NEGR1: variants seen among roughly 807,000 people sequenced by gnomAD.
The protein encoded by NEGR1 is IgLON family member 4.
NEGR1 carries 10 observed loss-of-function variants against 40.9 expected under a neutral mutation model. The ratio of observed to expected loss-of-function variants is 0.24; its 90% CI spans 0.15 to 0.42. The LOEUF is 0.42. Ranked by LOEUF, NEGR1 falls within the 10% of genes least tolerant of loss-of-function variation. The pLI, the probability that NEGR1 is intolerant of heterozygous loss-of-function variation, is 1.00. For synonymous variants in NEGR1, 185 were observed against 166.8 expected (o/e 1.11, Z -0.84); for missense variants, 352 against 438.9 (o/e 0.80, Z 1.77).
At chr1:71,958,995 T>G (rs1300957141) in intron 1 of NEGR1, among the ~76,000 whole-genome samples, 1 of 151,964 alleles carries the variant, frequency 6.6e-6, no homozygotes, top group African/African-American at 2.4e-5. Flanking sequence ...ATCTTAATGT[T>G]GTCGTCTATG....
At chr1:71,514,075 G>A (rs1317168889) in intron 6 of NEGR1, among the ~76,000 whole-genome samples, 8 of 141,878 alleles carry the variant, frequency 5.6e-5, no homozygotes, top group African/African-American at 7.9e-5. Context: ...AGGGTCCTAC[G>A]CCCACGGAAT....
At chr1:71,508,178 G>A (rs1647048380) in intron 6 of NEGR1, among the ~76,000 whole-genome samples, 1 of 152,082 alleles carries the variant, frequency 6.6e-6, no homozygotes, top group Non-Finnish European at 1.5e-5. Flanking sequence ...TGGTGACTTG[G>A]TGTTAATTAA....
intron 1 of NEGR1, among the ~76,000 whole-genome samples, chr1:72,093,836 A>C (rs1648592546): frequency 6.6e-6 from 1 of 152,214 alleles, no homozygotes. Context: ...TTAGTTAATT[A>C]GTATGCTGTT....
intron 5 of NEGR1, among the ~76,000 whole-genome samples, chr1:71,604,920 C>A (rs976565844): frequency 5.9e-5 from 9 of 152,178 alleles, no homozygotes; most frequent in African/African-American, 2.2e-4. Flanking sequence ...ATAGGCCCCA[C>A]ACTGCCAAAT....
intron 1 of NEGR1, among the ~76,000 whole-genome samples, chr1:72,159,937 T>A (rs1651493269): frequency 2.0e-5 from 3 of 152,168 alleles, no homozygotes; most frequent in South Asian, 2.1e-4. Context: ...GTTTCTTGAC[T>A]CTTTGATACA....
At chr1:72,268,299 T>C (rs895786812) in intron 1 of NEGR1, among the ~76,000 whole-genome samples, 4 of 151,488 alleles carry the variant, frequency 2.6e-5, no homozygotes, top group Non-Finnish European at 4.4e-5. Flanking sequence ...TATATTATTA[T>C]AGTGTTCACA....
At chr1:71,660,147 A>G (rs1487345899) in intron 4 of NEGR1, among the ~76,000 whole-genome samples, 1 of 152,228 alleles carries the variant, frequency 6.6e-6, no homozygotes, top group East Asian at 1.9e-4. Context: ...TGCAGTCATA[A>G]AAAAAGAACG....
At chr1:72,162,050 T>C (rs1651584800) in intron 1 of NEGR1, among the ~76,000 whole-genome samples, 1 of 152,148 alleles carries the variant, frequency 6.6e-6, no homozygotes, top group Non-Finnish European at 1.5e-5. Flanking sequence ...TGGGTGTGGT[T>C]GTGCTGTTAG....
intron 1 of NEGR1, among the ~76,000 whole-genome samples, chr1:71,970,261 G>C (rs1265111823): frequency 6.6e-6 from 1 of 152,162 alleles, no homozygotes; most frequent in Non-Finnish European, 1.5e-5. Context: ...ACGTGAGCTG[G>C]AGACGCAAGG....
At chr1:71,700,119 C>G (rs1653637183) in intron 3 of NEGR1, among the ~76,000 whole-genome samples, 1 of 151,792 alleles carries the variant, frequency 6.6e-6, no homozygotes, top group Non-Finnish European at 1.5e-5. Flanking sequence ...ATTTGTTTAG[C>G]CAATGATTGA....
At chr1:71,698,551 C>G (rs939396807) in intron 3 of NEGR1, among the ~76,000 whole-genome samples, 3 of 151,780 alleles carry the variant, frequency 2.0e-5, no homozygotes, top group Admixed American at 1.3e-4. Flanking sequence ...CTAAATGTTA[C>G]TTTTCTTTTG....
intron 1 of NEGR1, among the ~76,000 whole-genome samples, chr1:72,108,216 A>G (rs535658046): frequency 9.9e-4 from 150 of 151,760 alleles, no homozygotes; most frequent in South Asian, 2.1e-3. Flanking sequence ...TTTTATGACA[A>G]AAAGATTCAG....
chr1:72,268,936 T>G (rs1341011621), intron 1 of NEGR1, among the ~76,000 whole-genome samples: 2 of 151,472 alleles, frequency 1.3e-5, no homozygotes, highest in Non-Finnish European at 3.0e-5. Context: ...AGTACTGCAC[T>G]GGAAAAGCTT....
chr1:71,513,105 G>A (rs1292576590), intron 6 of NEGR1, among the ~76,000 whole-genome samples: 1 of 152,094 alleles, frequency 6.6e-6, no homozygotes, highest in African/African-American at 2.4e-5. Flanking sequence ...AATTCAGAGA[G>A]GGTGGATTTA....
intron 2 of NEGR1, among the ~76,000 whole-genome samples, chr1:71,929,774 C>G (rs1645837829): frequency 6.6e-6 from 1 of 151,074 alleles, no homozygotes; most frequent in African/African-American, 2.4e-5. Context: ...GAAAAGCAGG[C>G]CCATGTCCTG....
chr1:71,637,863 T>G (rs1371374738), intron 4 of NEGR1, among the ~76,000 whole-genome samples: 1 of 151,978 alleles, frequency 6.6e-6, no homozygotes, highest in Non-Finnish European at 1.5e-5. Flanking sequence ...TCCTCACTCA[T>G]AGAGTCCCTA....
intron 6 of NEGR1, among the ~76,000 whole-genome samples, chr1:71,432,233 G>A (rs1371106788): frequency 6.6e-6 from 1 of 152,166 alleles, no homozygotes; most frequent in African/African-American, 2.4e-5. Context: ...AAGCAAAAGA[G>A]ACAAGAATCC....
intron 1 of NEGR1, among the ~76,000 whole-genome samples, chr1:72,195,376 C>A (rs1652963829): frequency 6.6e-6 from 1 of 151,920 alleles, no homozygotes; most frequent in East Asian, 1.9e-4. Flanking sequence ...GCCTAAACTG[C>A]TTCTACATTT....
intron 4 of NEGR1, among the ~76,000 whole-genome samples, chr1:71,638,684 A>T (rs1002678467): frequency 1.3e-5 from 2 of 152,038 alleles, no homozygotes; most frequent in Admixed American, 1.3e-4. Context: ...TAAGGTGTCT[A>T]AGGTCATATT....
Sources: gnomAD v4.1 joint callset for allele counts (sites outside exome capture counted in the v4.1 genomes callset) on GRCh38, gnomAD v4.1.1 for gene constraint, MANE v1.5 for transcripts, NCBI Gene and HGNC (gene_info 2026-07-23, HGNC 2026-07-21) for gene names.